TMC2: variants seen among roughly 807,000 people sequenced by gnomAD.
TMC2 encodes transmembrane channel like 2.
In TMC2, 102 loss-of-function variants were observed where a neutral mutation model predicts 105.9. That is an observed-to-expected ratio of 0.96 (90% CI 0.82 to 1.14). The LOEUF (loss-of-function observed/expected upper bound fraction) is 1.14, where lower values mean the gene tolerates loss of function less well. Ranked by LOEUF, TMC2 falls within the 50% of genes most tolerant of loss-of-function variation. TMC2 has a pLI of 0.00. For missense variants in TMC2, 1,093 were observed against 1,134.3 expected (o/e 0.96, Z 0.52); for synonymous variants, 402 against 422.8 (o/e 0.95, Z 0.60).
chr20:2,571,019 G>A (rs6114985), intron 4 of TMC2, among the ~76,000 whole-genome samples: 19,286 of 152,090 alleles, frequency 0.13, 1,521 homozygotes, highest in African/African-American at 0.21. Context: ...TTAAATACTT[G>A]AATGTAAGAC....
intron 16 of TMC2, among the ~76,000 whole-genome samples, chr20:2,619,397 G>A (rs983491340): frequency 2.6e-5 from 4 of 152,156 alleles, no homozygotes; most frequent in Non-Finnish European, 5.9e-5. Flanking sequence ...AGGAATAAGA[G>A]TTCCTACATA....
At chr20:2,553,517 T>A (rs576897895) in intron 2 of TMC2, among the ~76,000 whole-genome samples, 18 of 145,390 alleles carry the variant, frequency 1.2e-4, no homozygotes, top group African/African-American at 4.3e-4. Flanking sequence ...TTTGTATCTA[T>A]GTTTATAAGA....
In TMC2 at chr20:2,617,197, C is replaced by G. The variant is rs1335392033; in HGVS notation, c.2066C>G (p.Ser689Cys). 6.2e-7 allele frequency: 1 copy of G among 1,614,114 alleles called. No homozygotes were observed. Among genetic ancestry groups the G allele is most frequent in the Non-Finnish European group, 8.5e-7 (1 of 1,180,050 alleles). ...NVPHERVFKA[S>C]RSNNFYMGLL... ...CCCCATGAACGCGTGTTCAAAGCCT[C>G]CCGATCCAACAACTTCTACATGGGC... The change falls in exon 16 of 20, where the codon TCC becomes TGC. Residue 689 changes from serine to cysteine, a missense_variant. Transcript: ENST00000358864.
intron 4 of TMC2, among the ~76,000 whole-genome samples, chr20:2,569,414 A>G (rs998119198): frequency 1.3e-5 from 2 of 152,214 alleles, no homozygotes; most frequent in Non-Finnish European, 2.9e-5. Context: ...CAATGGTTCA[A>G]CTTATAATTT....
At chr20:2,546,586 T>G (rs1047183025) in intron 2 of TMC2, among the ~76,000 whole-genome samples, 4 of 152,002 alleles carry the variant, frequency 2.6e-5, no homozygotes, top group African/African-American at 9.7e-5. Flanking sequence ...CCAATAGGAA[T>G]GGTTTTCTAG....
intron 2 of TMC2, among the ~76,000 whole-genome samples, chr20:2,548,587 A>G (rs987302259): frequency 1.6e-4 from 24 of 148,020 alleles, no homozygotes; most frequent in Admixed American, 7.4e-4. Context: ...GCAGTGAGCC[A>G]AGATAGCACC....
At chr20:2,538,490 T>C (rs1046342672) in intron 2 of TMC2, among the ~76,000 whole-genome samples, 2 of 152,158 alleles carry the variant, frequency 1.3e-5, no homozygotes, top group African/African-American at 2.4e-5. Context: ...TAGTGACCAC[T>C]GCCTGTAGGA....
intron 16 of TMC2, among the ~76,000 whole-genome samples, chr20:2,622,674 C>G (rs2086533922): frequency 6.6e-6 from 1 of 150,820 alleles, no homozygotes; most frequent in Non-Finnish European, 1.5e-5. Flanking sequence ...GAGAGAGACT[C>G]TGTCTCAAAA....
intron 2 of TMC2, among the ~76,000 whole-genome samples, chr20:2,545,909 AAAG>A (rs2085923493): frequency 6.7e-6 from 1 of 148,868 alleles, no homozygotes; most frequent in Admixed American, 6.7e-5. Flanking sequence ...AGAAAGAAAA[AAAG>A]AAAGAAATGA....
At position 2,616,431 on chromosome 20, in the gene TMC2, T is replaced by G. The variant is rs2086482498; in HGVS notation, c.1940+227T>G. ...GTAGAGAGAAAGGGAGAGGGGTTGG[T>G]GGAGGAGAAAAGGAAAAGGAAGGAA... On this transcript the variant is annotated intron_variant, in intron 15 of 19. Transcript: ENST00000358864. This position sits in a 1 kb window ranked among gnomAD's most constrained non-coding sequence, Gnocchi z 4.8. Among the ~76,000 whole-genome samples the G allele has an allele frequency of 6.9e-6, 1 of 145,808 alleles. No homozygotes were observed. Among genetic ancestry groups the G allele is most frequent in the African/African-American group, 2.6e-5 (1 of 38,092 alleles).
intron 17 of TMC2, 136 bp downstream of exon 17, chr20:2,624,532 G>A (rs1600138317): frequency 1.8e-6 from 2 of 1,103,698 alleles, no homozygotes; most frequent in Non-Finnish European, 1.3e-6. Context: ...GGATTCAAGT[G>A]TAAGTATTTT....
intron 2 of TMC2, among the ~76,000 whole-genome samples, chr20:2,550,568 A>G (rs1277483239): frequency 6.6e-6 from 1 of 152,076 alleles, no homozygotes; most frequent in African/African-American, 2.4e-5. Flanking sequence ...ATAATATATC[A>G]TGTATCCATC....
chr20:2,600,823 C>CAA (rs1243434837), intron 10 of TMC2, among the ~76,000 whole-genome samples: 5 of 118,830 alleles, frequency 4.2e-5, no homozygotes, highest in African/African-American at 1.5e-4. Context: ...GACTCGGTCT[C>CAA]AAAAAAAAAA....
intron 2 of TMC2, among the ~76,000 whole-genome samples, chr20:2,550,531 A>G (rs889393079): frequency 1.3e-5 from 2 of 152,132 alleles, no homozygotes; most frequent in African/African-American, 2.4e-5. Flanking sequence ...TTCACTCTTT[A>G]TAGATTCCAT....
At chr20:2,543,786 C>A (rs1198015511) in intron 2 of TMC2, among the ~76,000 whole-genome samples, 1 of 152,116 alleles carries the variant, frequency 6.6e-6, no homozygotes, top group Non-Finnish European at 1.5e-5. Flanking sequence ...GAAAAGCCAT[C>A]AGTATGTCAA....
intron 4 of TMC2, among the ~76,000 whole-genome samples, chr20:2,567,075 G>A (rs1239440750): frequency 1.3e-5 from 2 of 152,234 alleles, no homozygotes; most frequent in Admixed American, 1.3e-4. Flanking sequence ...ACCAGGGTGT[G>A]CCAGAGGAGG....
At chr20:2,632,038 T>C (rs1359873394) in intron 17 of TMC2, among the ~76,000 whole-genome samples, 2 of 151,856 alleles carry the variant, frequency 1.3e-5, no homozygotes, top group Admixed American at 6.6e-5. Flanking sequence ...TTTTTTTTTT[T>C]CGAGATGGTG....
At chr20:2,639,549 G>C (rs1343570322) in intron 19 of TMC2, among the ~76,000 whole-genome samples, 1 of 152,154 alleles carries the variant, frequency 6.6e-6, no homozygotes, top group Non-Finnish European at 1.5e-5. Flanking sequence ...GTCTAGGTTT[G>C]GGTAAGTACA....
chr20:2,564,783 G>A lies in TMC2; in HGVS notation c.554+2773G>A, dbSNP rs150622858. ...AGAAGCTAAGGCCTGAGAAGCCAAG[G>A]AGACCTATGCCTCTCTCACTGGAGT... On this transcript the variant is annotated intron_variant, in intron 4 of 19. Transcript: ENST00000358864. 2.0e-5 allele frequency among the ~76,000 whole-genome samples: 3 copies of A among 152,324 alleles called. 1 individual carries two copies. The highest frequency in any genetic ancestry group is 2.1e-4 in the South Asian group (1 of 4,828).
Sources: gnomAD v4.1 joint callset for allele counts (sites outside exome capture counted in the v4.1 genomes callset) on GRCh38, gnomAD v4.1.1 for gene constraint, Gnocchi (gnomAD v3.1) non-coding constraint, MANE v1.5 for transcripts, NCBI Gene and HGNC (gene_info 2026-07-23, HGNC 2026-07-21) for gene names.